NIPA2: variants seen among roughly 807,000 people sequenced by gnomAD.
The protein encoded by NIPA2 is magnesium transporter NIPA2.
NIPA2 carries 11 observed loss-of-function variants against 29.7 expected under a neutral mutation model. The observed-to-expected ratio is 0.37, with a 90% CI of 0.23 to 0.61. NIPA2 has a LOEUF of 0.61. Among genes scored for constraint, NIPA2 ranks in the 20% least tolerant of loss-of-function variants. NIPA2 has a pLI of 0.66. For synonymous variants in NIPA2, 183 were observed against 161.9 expected (o/e 1.13, Z -0.99); for missense variants, 426 against 437.9 (o/e 0.97, Z 0.24).
chr15:22,852,043 G>A (rs1401640533), intron 4 of NIPA2, among the ~76,000 whole-genome samples, 173 bp downstream of exon 4: 1 of 152,194 alleles, frequency 6.6e-6, no homozygotes, highest in Non-Finnish European at 1.5e-5. Flanking sequence ...GAGAAAAGAA[G>A]TGAGAAGATG....
Position 22,867,804 on chromosome 15 carries a change from T to C in NIPA2, c.*957T>C, listed in dbSNP as rs2059223124. 1 of 152,150 alleles carries C rather than the reference T, an allele frequency of 6.6e-6. No individual in the cohort carries two copies. Among genetic ancestry groups the C allele is most frequent in the African/African-American group, 2.4e-5 (1 of 41,428 alleles). The allele number at this position is 152,150 out of a possible 1,614,324, so 9.4% of individuals were successfully genotyped here. ...GTCTCTTTGTACCAAGTACTTTGCT[T>C]AAGAGCTCCTTTGGGCCACTACATA... On this transcript the variant is annotated 3_prime_UTR_variant, in exon 8 of 8. Coordinates refer to ENST00000337451, the MANE Select transcript of NIPA2 (RefSeq NM_030922.7).
chr15:22,860,000 A>C (rs574395228), intron 6 of NIPA2, among the ~76,000 whole-genome samples: 16 of 151,896 alleles, frequency 1.1e-4, no homozygotes, highest in African/African-American at 3.9e-4. Context: ...AGTAAATTTT[A>C]AGCACTGGTG....
intron 7 of NIPA2, among the ~76,000 whole-genome samples, chr15:22,860,992 G>C (rs180839006): frequency 2.6e-5 from 4 of 152,184 alleles, no homozygotes; most frequent in Admixed American, 1.3e-4. Flanking sequence ...AGTAGTGTGC[G>C]TATATTGCTA....
intron 2 of NIPA2, among the ~76,000 whole-genome samples, chr15:22,843,978 T>G (rs777174709): frequency 2.0e-5 from 3 of 152,164 alleles, no homozygotes; most frequent in Admixed American, 6.5e-5. Flanking sequence ...GTTACAGATG[T>G]GAGCCGCCGT....
At chr15:22,864,381 T>C (rs1450360430) in intron 7 of NIPA2, among the ~76,000 whole-genome samples, 6 of 152,092 alleles carry the variant, frequency 3.9e-5, no homozygotes, top group Non-Finnish European at 8.8e-5. Context: ...GTCTCGATCT[T>C]CTGACCTCAT....
intron 2 of NIPA2, among the ~76,000 whole-genome samples, chr15:22,841,483 A>G (rs1052471072): frequency 6.6e-6 from 1 of 152,142 alleles, no homozygotes; most frequent in Non-Finnish European, 1.5e-5. Context: ...TGTATGGCCC[A>G]TAGGGCCCCA....
chr15:22,842,825 C>T (rs1326684273), intron 2 of NIPA2, among the ~76,000 whole-genome samples: 1 of 143,568 alleles, frequency 7.0e-6, no homozygotes, highest in African/African-American at 2.6e-5. Flanking sequence ...CGAGACTCTG[C>T]ATCCAAAAAA....
intron 7 of NIPA2, among the ~76,000 whole-genome samples, chr15:22,861,390 T>C (rs2058612131): frequency 6.6e-6 from 1 of 152,208 alleles, no homozygotes; most frequent in South Asian, 2.1e-4. Context: ...TTCAGCAGCA[T>C]CCTGGGGATT....
At chr15:22,854,226 C>T (rs1482434036) in intron 5 of NIPA2, among the ~76,000 whole-genome samples, 1 of 151,858 alleles carries the variant, frequency 6.6e-6, no homozygotes, top group Non-Finnish European at 1.5e-5. Flanking sequence ...CTCCTGGGTT[C>T]AAGCGATTCT....
Position 22,866,423 on chromosome 15 carries a change from T to G in NIPA2, c.659T>G (p.Ile220Ser), listed in dbSNP as rs757051124. 1 of 1,614,194 alleles carries G rather than the reference T, an allele frequency of 6.2e-7. No individual in the cohort carries two copies. The highest frequency in any genetic ancestry group is 1.1e-5 in the South Asian group (1 of 91,086). Reference protein sequence around the residue: ...KPVLRHPLAWILLLSLIVCVS... With the variant: ...KPVLRHPLAWSLLLSLIVCVS... ...GTGCTGCGGCATCCCCTGGCTTGGA[T>G]TCTGCTGCTGAGCCTCATCGTCTGT... The change falls in exon 8 of 8, where the codon ATT becomes AGT. Residue 220 changes from isoleucine (I) to serine (S), a missense_variant. Ile to Ser is a moderately radical substitution (Grantham distance 142). Transcript: ENST00000337451.
intron 7 of NIPA2, among the ~76,000 whole-genome samples, 177 bp downstream of exon 7, chr15:22,860,966 T>A (rs1391482564): frequency 6.6e-6 from 1 of 152,242 alleles, no homozygotes; most frequent in African/African-American, 2.4e-5. Flanking sequence ...TACTGTTCTT[T>A]AACTCTGTGT....
intron 2 of NIPA2, among the ~76,000 whole-genome samples, chr15:22,842,863 TGTA>T (rs900951007): frequency 7.3e-5 from 11 of 151,512 alleles, no homozygotes; most frequent in African/African-American, 2.4e-4. Context: ...ATTTGCCTAG[TGTA>T]GTGGTGGGCG....
In NIPA2 at chr15:22,867,187, ATT is replaced by A. The variant is rs1248861002; in HGVS notation, c.*342_*343del. On this transcript the variant is annotated 3_prime_UTR_variant, in exon 8 of 8. Coordinates refer to ENST00000337451, the MANE Select transcript of NIPA2 (RefSeq NM_030922.7). ...TTGGTGATGAAAGTCTGAAATGTGC[ATT>A]TGTCATCCCCACTCCATCAATCCCT... is the stretch of plus-strand genomic sequence containing the variant. 1 of 435,388 alleles carries A rather than the reference ATT, an allele frequency of 2.3e-6. No individual in the cohort carries two copies. The highest frequency in any genetic ancestry group is 2.0e-5 in the African/African-American group (1 of 48,884). The allele number at this position is 435,388 out of a possible 1,614,324, so 27.0% of individuals were successfully genotyped here.
rs964519627 is a variant in NIPA2, at chr15:22,868,369, A to AAAT, written c.*1523_*1525dup. On this transcript the variant is annotated 3_prime_UTR_variant, in exon 8 of 8. Coordinates refer to ENST00000337451, the MANE Select transcript of NIPA2 (RefSeq NM_030922.7). ...GAACATGCATAGGTTAATAAATAAT[A>AAAT]AATTCTTATTTAACATTTTGTAGCA... 6.6e-6 allele frequency: 1 copy of AAAT among 152,160 alleles called. No homozygotes were observed. The highest frequency in any genetic ancestry group is 2.4e-5 in the African/African-American group (1 of 41,422). 9.4% of individuals were successfully genotyped at this position (152,160 alleles called of 1,614,324 possible).
In NIPA2 at chr15:22,860,674, T is replaced by C. The variant is rs755275219; in HGVS notation, c.333T>C (p.His111=). 5 of 1,596,978 alleles carry C rather than the reference T, an allele frequency of 3.1e-6. No individual in the cohort carries two copies. The highest frequency in any genetic ancestry group is 2.3e-5 in the South Asian group (2 of 86,742). Residue 111 remains histidine, a synonymous_variant, in exon 7 of 8, where the codon CAT becomes CAC. Transcript: ENST00000337451. ...TTCTCAATGAAAGACTTAATCTTCA[T>C]GGGAAAATTGGGTGTTTGCTAAGTA... ...SYFLNERLNL[H]GKIGCLLSIL...
rs535321056 is a variant in NIPA2, at chr15:22,854,403, G to A, written c.196+1135G>A. 2.6e-5 allele frequency among the ~76,000 whole-genome samples: 4 copies of A among 151,766 alleles called. No homozygotes were observed. In the South Asian group the frequency reaches 8.4e-4, roughly 32 times the overall value. ...GCCTCCCAAAGTGCTGGGATTACAG[G>A]TGTGAGCCACCGTGCCTGGCCTCTT... On this transcript the variant is annotated intron_variant, in intron 5 of 7. Coordinates refer to ENST00000337451, the MANE Select transcript of NIPA2 (RefSeq NM_030922.7).
intron 2 of NIPA2, 69 bp from the exon 3 acceptor site, chr15:22,845,076 GT>G (rs1301367112): frequency 6.6e-6 from 1 of 152,148 alleles, no homozygotes; most frequent in Non-Finnish European, 1.5e-5. Flanking sequence ...AAATTTTACT[GT>G]TTATCTGTCT....
chr15:22,862,898 CTTTTTTTTTTT>C lies in NIPA2; in HGVS notation c.448+2119_448+2129del, dbSNP rs59317671. On this transcript the variant is annotated intron_variant, in intron 7 of 7. Coordinates refer to ENST00000337451, the MANE Select transcript of NIPA2 (RefSeq NM_030922.7). ...TAGTTTCTTTCAGTTTGCCTTTATT[CTTTTTTTTTTT>C]TTTTTTTTTGGAGACAGTATCTCAC... Among the ~76,000 whole-genome samples the C allele has an allele frequency of 1.8e-4, 20 of 110,258 alleles. 1 individual carries two copies. The highest frequency in any genetic ancestry group is 6.0e-3 in the Middle Eastern group (1 of 168). 72.3% of individuals were successfully genotyped at this position (110,258 alleles called of 152,430 possible). A position where few individuals can be genotyped will look rare whatever the true frequency, so the allele number is the denominator to read the frequency against.
chr15:22,848,601 G>A (rs1460953016), intron 3 of NIPA2, among the ~76,000 whole-genome samples: 4 of 151,774 alleles, frequency 2.6e-5, no homozygotes, highest in South Asian at 2.1e-4. Flanking sequence ...TGAGATGGGC[G>A]GATCACTCGA....
Sources: allele counts gnomAD v4.1 joint callset (sites outside exome capture counted in the v4.1 genomes callset), GRCh38; gene constraint gnomAD v4.1.1; transcripts MANE v1.5; gene names NCBI Gene and HGNC (gene_info 2026-07-23, HGNC 2026-07-21).